DST: variants seen among roughly 807,000 people sequenced by gnomAD.
DST encodes dystonin.
In DST, 253 loss-of-function variants were observed where a neutral mutation model predicts 875.2. The observed-to-expected ratio is 0.29, with a 90% CI of 0.26 to 0.32. The LOEUF is 0.32. Among genes scored for constraint, DST ranks in the 10% least tolerant of loss-of-function variants. The pLI is 1.00. For synonymous variants in DST, 3,124 were observed against 3,197.1 expected, an observed-to-expected ratio of 0.98 and a Z score of 0.77; for missense variants, 8,287 against 9,111.6, an observed-to-expected ratio of 0.91 and a Z score of 3.68.
At chr6:56,750,464 A>T (rs1247001444) in intron 4 of DST, among the ~76,000 whole-genome samples, 1 of 152,154 alleles carries the variant, frequency 6.6e-6, no homozygotes, top group African/African-American at 2.4e-5. Flanking sequence ...CAGACATTTT[A>T]AAAATAATAT....
chr6:56,907,384 T>C (rs567137342), intron 2 of DST, among the ~76,000 whole-genome samples: 5 of 152,232 alleles, frequency 3.3e-5, no homozygotes, highest in Non-Finnish European at 7.3e-5. Context: ...CCAGGCTGTT[T>C]GGTTGTGTAT....
intron 3 of DST, among the ~76,000 whole-genome samples, chr6:56,896,666 G>A (rs955456173): frequency 6.6e-6 from 1 of 152,216 alleles, no homozygotes; most frequent in African/African-American, 2.4e-5. Context: ...GCAGGAGTGA[G>A]GTGGTATCAC....
At chr6:56,718,375 CCTT>C (rs1371698137) in intron 5 of DST, among the ~76,000 whole-genome samples, 4 of 152,188 alleles carry the variant, frequency 2.6e-5, no homozygotes, top group African/African-American at 9.7e-5. Context: ...ACACTTCACA[CCTT>C]CTAGGATTGC....
At chr6:56,547,319 T>C (rs897888556) in intron 61 of DST, among the ~76,000 whole-genome samples, 1 of 152,210 alleles carries the variant, frequency 6.6e-6, no homozygotes, top group African/African-American at 2.4e-5. Flanking sequence ...GACCAGCATA[T>C]GGAGTATTCT....
intron 34 of DST, 121 bp downstream of exon 34, chr6:56,627,082 CA>C (rs2098741525): frequency 1.3e-6 from 1 of 791,768 alleles, no homozygotes. Context: ...AGATAAGTGT[CA>C]AAAAAGTTCA....
chr6:56,889,832 AC>A (rs936341590), intron 3 of DST, among the ~76,000 whole-genome samples: 2 of 152,116 alleles, frequency 1.3e-5, no homozygotes, highest in Non-Finnish European at 2.9e-5. Flanking sequence ...ACTTCTTGCT[AC>A]CTCCTAGGTG....
Position 56,603,823 on chromosome 6 carries a change from A to G in DST, c.10791+14T>C. The G allele has an allele frequency of 1.2e-6, 2 of 1,602,586 alleles. No homozygotes were observed. The highest frequency in any genetic ancestry group is 1.7e-6 in the Non-Finnish European group (2 of 1,175,170). ...ATGCAGCTTTTTCTGTATAAAATGT[A>G]TAGGTCAACTTACTTGTTCGGTTGA... On this transcript the variant is annotated intron_variant, in intron 40 of 103. Transcript: ENST00000680361.
rs1204319451 is a variant in DST at position 56,629,370 on chromosome 6, G to C, written c.4355C>G (p.Ala1452Gly). ...CGTTTTAAACATTTCATCACTGATG[G>C]CTTTAGCTTTCTGCAACTCATCCTC... ...ALEDELQKAK[A>G]ISDEMFKTYK... is the part of the protein sequence containing the mutation. Residue 1452 changes from alanine to glycine, a missense_variant, in exon 32 of 104, where the codon GCC becomes GGC. Ala to Gly is a moderately conservative substitution (Grantham distance 60, BLOSUM62 0). Coordinates refer to ENST00000680361, the MANE Select transcript of DST (RefSeq NM_001374736.1). 2 of 1,613,552 alleles carry C rather than the reference G, an allele frequency of 1.2e-6. No individual in the cohort carries two copies. Among genetic ancestry groups the C allele is most frequent in the Non-Finnish European group, 1.7e-6 (2 of 1,179,700 alleles).
chr6:56,649,580 G>A (rs1481348528), intron 12 of DST, among the ~76,000 whole-genome samples: 3 of 151,704 alleles, frequency 2.0e-5, no homozygotes, highest in Non-Finnish European at 4.4e-5. Context: ...ATTGATGGGG[G>A]GAGGTGAGTG....
chr6:56,949,818 A>G (rs1821449350), intron 2 of DST, among the ~76,000 whole-genome samples: 1 of 152,222 alleles, frequency 6.6e-6, no homozygotes, highest in African/African-American at 2.4e-5. Context: ...AAATTAGGTA[A>G]TTCTTAATGA....
At chr6:56,678,175 G>A (rs763867760) in intron 9 of DST, among the ~76,000 whole-genome samples, 3 of 152,170 alleles carry the variant, frequency 2.0e-5, no homozygotes, top group African/African-American at 2.4e-5. Context: ...GCACCTGGCC[G>A]TGTGCCTGGA....
At position 56,555,644 on chromosome 6, in the gene DST, A is replaced by G; in HGVS notation, c.14837T>C (p.Ile4946Thr). The G allele has an allele frequency of 6.2e-7, 1 of 1,613,990 alleles. No homozygotes were observed. Among genetic ancestry groups the G allele is most frequent in the Non-Finnish European group, 8.5e-7 (1 of 1,179,892 alleles). The change falls in exon 60 of 104, where the codon ATT (isoleucine) becomes ACT (threonine). Residue 4946 changes from isoleucine to threonine, a missense_variant. This residue lies in a region of DST where 1,513 missense variants were observed against 1,677.8 expected (regional missense o/e 0.90). Transcript: ENST00000680361. The part of the protein sequence containing the change: ...SDRCDWIDQA[I>T]VKSTQYQSLL... ...GCTTTGATACTGTGTGCTTTTAACA[A>G]TGGCTTGGTCAATCCAGTCACATCT...
chr6:56,474,488 C>T (rs1237038082), intron 92 of DST: 1 of 151,220 alleles, frequency 6.6e-6, no homozygotes, highest in Non-Finnish European at 1.5e-5. Flanking sequence ...TGCTCCGTCT[C>T]AAAAATAAAT....
Position 56,539,278 on chromosome 6 carries a change from A to G in DST, c.16609-2338T>C, listed in dbSNP as rs1481826903. Among the ~76,000 whole-genome samples, 48 of 152,310 alleles carry G rather than the reference A, an allele frequency of 3.2e-4. 1 individual carries two copies. The highest frequency in any genetic ancestry group is 2.9e-3 in the Admixed American group (45 of 15,300). On this transcript the variant is annotated intron_variant, in intron 61 of 103. Transcript: ENST00000680361. ...ATACTAAGGATTTAAAAAGATAACT[A>G]CTAAAGAGTATATACTCCCCTAAGA...
Position 56,607,369 on chromosome 6 carries a change from T to C in DST, c.7259A>G (p.Asp2420Gly). The C allele has an allele frequency of 6.2e-7, 1 of 1,612,974 alleles. No individual in the cohort carries two copies. The highest frequency in any genetic ancestry group is 8.5e-7 in the Non-Finnish European group (1 of 1,179,606). ...FCGVNETENE[D>G]NTNRDSPIFD... is the part of the protein sequence containing the mutation. ...GATAGGTGAATCCCTGTTTGTATTA[T>C]CTTCATTCTCTGTTTCATTCACACC... Residue 2420 changes from aspartate to glycine, a missense_variant, in exon 40 of 104, where the codon GAT becomes GGT. This residue lies in a region of DST where 3,138 missense variants were observed against 3,116.6 expected (regional missense o/e 1.01). Coordinates refer to ENST00000680361, the MANE Select transcript of DST (RefSeq NM_001374736.1).
At chr6:56,509,926 T>C (rs1168080629) in intron 73 of DST, 53 bp from the exon 74 acceptor site, 5 of 1,341,958 alleles carry the variant, frequency 3.7e-6, no homozygotes, top group Non-Finnish European at 4.1e-6. Context: ...TAATACCAAG[T>C]GTGAAATTTA....
chr6:56,825,503 A>G (rs2099779322), intron 4 of DST, among the ~76,000 whole-genome samples: 1 of 2,142 alleles, frequency 4.7e-4, no homozygotes, highest in Non-Finnish European at 5.2e-3. Flanking sequence ...AATAAATACT[A>G]AAAAAAAAAA....
intron 5 of DST, among the ~76,000 whole-genome samples, chr6:56,734,296 T>G (rs2099515198): frequency 6.6e-6 from 1 of 152,244 alleles, no homozygotes; most frequent in Non-Finnish European, 1.5e-5. Context: ...CTGACACACC[T>G]CTAAGGTAAT....
In DST at chr6:56,594,131, T is replaced by G; in HGVS notation, c.12258A>C (p.Gln4086His). ...QAVIIATQSA[Q>H]VLLEKQGQYL... ...ACTGACCCTGTTTCTCAAGCAACAC[T>G]TGTGCAGACTGAGTGGCTATGATCA... Residue 4086 changes from glutamine to histidine, a missense_variant, in exon 48 of 104, where the codon CAA becomes CAC. By Grantham distance (24) the Gln-to-His change is conservative (BLOSUM62 0). Transcript: ENST00000680361. The G allele has an allele frequency of 3.8e-6, 6 of 1,594,704 alleles. No individual in the cohort carries two copies. The highest frequency in any genetic ancestry group is 5.1e-6 in the Non-Finnish European group (6 of 1,172,578).
Sources: gnomAD v4.1 joint callset for allele counts (sites outside exome capture counted in the v4.1 genomes callset) on GRCh38, gnomAD v4.1.1 for gene constraint, gnomAD v4.1.1 regional missense constraint, MANE v1.5 for transcripts, NCBI Gene and HGNC (gene_info 2026-07-23, HGNC 2026-07-21) for gene names.